Variants in SH2D3C observed in about 807,000 individuals in gnomAD.
SH2D3C encodes the protein SH2 domain-containing protein 3C.
A neutral mutation model predicts 75.2 loss-of-function variants in SH2D3C; 25 were observed. The observed-to-expected ratio is 0.33, with a 90% CI of 0.24 to 0.46. SH2D3C has a LOEUF of 0.46. Ranked by LOEUF, SH2D3C falls within the 20% of genes least tolerant of loss-of-function variation. SH2D3C has a pLI of 1.00. For synonymous variants in SH2D3C, 450 were observed against 473.7 expected, an observed-to-expected ratio of 0.95 and a Z score of 0.65; for missense variants, 933 against 1,165.3, an observed-to-expected ratio of 0.80 and a Z score of 2.90.
At chr9:127,757,639 G>GATTATT (rs1491164746) in intron 3 of SH2D3C, among the ~76,000 whole-genome samples, 6,837 of 114,882 alleles carry the variant, frequency 0.06, 264 homozygotes, top group Middle Eastern at 0.1. Flanking sequence ...TGATGATGAT[G>GATTATT]ATGATGATTA....
Position 127,774,589 on chromosome 9 carries a change from C to A in SH2D3C, c.38-122G>T, listed in dbSNP as rs562795198. ...AAGAGGGCTGGCGGTTTCCCAGACA[C>A]CCCTTCTAAAATTGTTAACACGCCC... On this transcript the variant is annotated intron_variant, in intron 1 of 11. Transcript: ENST00000314830. The surrounding 1 kb of genome is among the most constrained non-coding windows in gnomAD (Gnocchi z 4.3). The A allele has an allele frequency of 7.9e-6, 5 of 629,566 alleles. No individual in the cohort carries two copies. The Admixed American group carries it at 1.1e-4, about 14-fold the overall frequency. The allele number at this position is 629,566 out of a possible 1,614,324, so 39.0% of individuals were successfully genotyped here. A position where few individuals can be genotyped will look rare whatever the true frequency, so the allele number is the denominator to read the frequency against.
intron 2 of SH2D3C, among the ~76,000 whole-genome samples, chr9:127,768,945 C>G (rs554766777): frequency 1.3e-5 from 2 of 152,352 alleles, no homozygotes; most frequent in South Asian, 4.1e-4. Flanking sequence ...ACACCACTTC[C>G]TCACTGAGCC....
At chr9:127,761,525 T>C in intron 3 of SH2D3C, 86 bp downstream of exon 3, 1 of 960,626 alleles carries the variant, frequency 1.0e-6, no homozygotes. Flanking sequence ...CTAACAAGGC[T>C]TGAGGAAGGG....
chr9:127,751,059 A>G lies in SH2D3C; in HGVS notation c.684+113T>C. 1.0e-6 allele frequency: 1 copy of G among 993,466 alleles called. No individual in the cohort carries two copies. Among genetic ancestry groups the G allele is most frequent in the Non-Finnish European group, 1.5e-6 (1 of 652,328 alleles). 61.5% of individuals were successfully genotyped at this position (993,466 alleles called of 1,614,324 possible). Reference sequence around the variant, plus strand: ...ACCTCATCCCAGTCCATTCTGATTGAATCCACCAAGCAACAGGTCAGAGCC... The same window carrying G: ...ACCTCATCCCAGTCCATTCTGATTGGATCCACCAAGCAACAGGTCAGAGCC... On this transcript the variant is annotated intron_variant, in intron 4 of 11. Coordinates refer to ENST00000314830, the MANE Select transcript of SH2D3C (RefSeq NM_170600.3). This position sits in a 1 kb window ranked among gnomAD's most constrained non-coding sequence, Gnocchi z 4.1.
chr9:127,742,607 G>A (rs1844896411), intron 8 of SH2D3C: 1 of 449,790 alleles, frequency 2.2e-6, no homozygotes, highest in African/African-American at 2.0e-5. Context: ...GATGGTCAAG[G>A]GGATGACTGG....
rs1263268026 is a variant in SH2D3C at position 127,757,345 on chromosome 9, A to G, written c.555+4266T>C. 3.4e-5 allele frequency among the ~76,000 whole-genome samples: 5 copies of G among 146,538 alleles called. No individual in the cohort carries two copies. The Admixed American group carries it at 3.4e-4, about 10-fold the overall frequency. On this transcript the variant is annotated intron_variant, in intron 3 of 11. Transcript: ENST00000314830. The stretch of plus-strand genomic sequence containing the variant: ...GAGTGCAGTGGCATAATCACAGCTC[A>G]CTGCAGCATTGACCTCCTGGGCTCA...
At chr9:127,764,709 T>C (rs535262073) in intron 2 of SH2D3C, among the ~76,000 whole-genome samples, 1 of 152,246 alleles carries the variant, frequency 6.6e-6, no homozygotes, top group South Asian at 2.1e-4. Context: ...GTTGTTGTTG[T>C]TGTTGTTGTT....
In SH2D3C at chr9:127,744,648, C is replaced by T; in HGVS notation, c.1716G>A (p.Val572=). The T allele has an allele frequency of 6.2e-7, 1 of 1,614,202 alleles. No individual in the cohort carries two copies. Among genetic ancestry groups the T allele is most frequent in the Non-Finnish European group, 8.5e-7 (1 of 1,180,020 alleles). The change falls in exon 7 of 12, where the codon GTG becomes GTA. Residue 572 remains valine (V), a synonymous_variant. Coordinates refer to ENST00000314830, the MANE Select transcript of SH2D3C (RefSeq NM_170600.3). ...LIPRDNRPLE[V]GLLRKVKELL... Reference sequence around the variant, plus strand: ...GCTCCTTGACCTTGCGCAGAAGGCCCACCTCCAGTGGCCGGTTATCCCTGG... The same window carrying T: ...GCTCCTTGACCTTGCGCAGAAGGCCTACCTCCAGTGGCCGGTTATCCCTGG...
At position 127,739,007 on chromosome 9, in the gene SH2D3C, C is replaced by A. The variant is rs1844768054; in HGVS notation, c.2408-86G>T. 1.6e-6 allele frequency: 2 copies of A among 1,288,552 alleles called. No homozygotes were observed. The highest frequency in any genetic ancestry group is 3.3e-5 in the Admixed American group (1 of 30,310). The allele number at this position is 1,288,552 out of a possible 1,614,324, so 79.8% of individuals were successfully genotyped here. The stretch of plus-strand genomic sequence containing the variant: ...TTCTTCAGGACCCCCCTGTTAGGGA[C>A]CTCCCCTCAACTCCGCCAGGGATCC... On this transcript the variant is annotated intron_variant, in intron 11 of 11. Transcript: ENST00000314830. This position sits in a 1 kb window ranked among gnomAD's most constrained non-coding sequence, Gnocchi z 4.3.
At position 127,753,282 on chromosome 9, in the gene SH2D3C, GGCCA is replaced by G. The variant is rs548968816; in HGVS notation, c.556-1986_556-1983del. 3.8e-3 allele frequency among the ~76,000 whole-genome samples: 579 copies of G among 152,188 alleles called. 1 individual carries two copies. The highest frequency in any genetic ancestry group is 5.9e-3 in the Non-Finnish European group (400 of 68,010). On this transcript the variant is annotated intron_variant, in intron 3 of 11. Transcript: ENST00000314830. ...GGAGTGGGGGAAAGGGAGTTTAGAT[GGCCA>G]TTGATTCATGTGGGGGAGCAGGGCG...
chr9:127,772,396 G>A (rs1350281253), intron 2 of SH2D3C, among the ~76,000 whole-genome samples: 9 of 151,764 alleles, frequency 5.9e-5, no homozygotes, highest in South Asian at 2.1e-4. Flanking sequence ...GGTGCCCGCC[G>A]CCACACCCGG....
intron 3 of SH2D3C, among the ~76,000 whole-genome samples, chr9:127,753,980 T>A (rs1454395181): frequency 1.3e-5 from 2 of 152,178 alleles, no homozygotes; most frequent in Non-Finnish European, 2.9e-5. Context: ...GGCTCCCCTT[T>A]TCCAGCTTAA....
chr9:127,758,288 G>A (rs905775897), intron 3 of SH2D3C, among the ~76,000 whole-genome samples: 3 of 151,880 alleles, frequency 2.0e-5, no homozygotes, highest in African/African-American at 7.3e-5. Flanking sequence ...TCTGAGTCTT[G>A]AAACTAAAAT....
At chr9:127,743,615 G>A (rs1844932218) in intron 7 of SH2D3C, among the ~76,000 whole-genome samples, 2 of 152,242 alleles carry the variant, frequency 1.3e-5, no homozygotes, top group African/African-American at 2.4e-5. Flanking sequence ...CTTGCCCAAG[G>A]TCACACACTG....
chr9:127,749,546 G>C lies in SH2D3C; in HGVS notation c.804C>G (p.Asn268Lys). ...TCTCGCCTGCCTTCACCACCACCTT[G>C]TTGATCTTGAAGTGCAAGGCCTGGT... Reference protein sequence around the residue: ...WRNQALHFKINKVVVKAGESY... With the variant: ...WRNQALHFKIKKVVVKAGESY... Residue 268 changes from asparagine (N) to lysine (K), a missense_variant, in exon 5 of 12, where the codon AAC becomes AAG. Coordinates refer to ENST00000314830, the MANE Select transcript of SH2D3C (RefSeq NM_170600.3). This position sits in a 1 kb window ranked among gnomAD's most constrained non-coding sequence, Gnocchi z 5.9. 1.2e-6 allele frequency: 2 copies of C among 1,612,216 alleles called. No homozygotes were observed. Among genetic ancestry groups the C allele is most frequent in the Non-Finnish European group, 1.7e-6 (2 of 1,179,272 alleles).
At position 127,776,440 on chromosome 9, in the gene SH2D3C, C is replaced by A. The variant is rs141211954; in HGVS notation, c.38-1973G>T. ...TCTGTGGTTCTCTCCTTCCTGTCAG[C>A]TGAGCCCAGCTCCAGACTCAAGAGG... On this transcript the variant is annotated intron_variant, in intron 1 of 11. Coordinates refer to ENST00000314830, the MANE Select transcript of SH2D3C (RefSeq NM_170600.3). Among the ~76,000 whole-genome samples, 35 of 152,124 alleles carry A rather than the reference C, an allele frequency of 2.3e-4. No homozygotes were observed. The East Asian group carries it at 4.3e-3, about 19-fold the overall frequency.
At chr9:127,770,198 C>T in intron 2 of SH2D3C, among the ~76,000 whole-genome samples, 1 of 152,092 alleles carries the variant, frequency 6.6e-6, no homozygotes, top group South Asian at 2.1e-4. Context: ...CTCTTCATCC[C>T]CATGATCTCA....
At chr9:127,775,803 C>T (rs1845800247) in intron 1 of SH2D3C, among the ~76,000 whole-genome samples, 1 of 152,042 alleles carries the variant, frequency 6.6e-6, no homozygotes, top group Non-Finnish European at 1.5e-5. Flanking sequence ...GGGCAAGAGC[C>T]TGTCTCTAAT....
intron 1 of SH2D3C, among the ~76,000 whole-genome samples, chr9:127,776,338 T>G: frequency 6.7e-6 from 1 of 150,100 alleles, no homozygotes; most frequent in African/African-American, 2.5e-5. Context: ...GGTTGGGGAG[T>G]GTTCCAGCCA....
Sources: allele counts gnomAD v4.1 joint callset (sites outside exome capture counted in the v4.1 genomes callset), GRCh38; gene constraint gnomAD v4.1.1; non-coding constraint Gnocchi (gnomAD v3.1); transcripts MANE v1.5; gene names NCBI Gene and HGNC (gene_info 2026-07-23, HGNC 2026-07-21).